FOXN3: variants seen among roughly 807,000 people sequenced by gnomAD.
The protein encoded by FOXN3 is forkhead box protein N3.
FOXN3 carries 7 observed loss-of-function variants against 38.4 expected under a neutral mutation model. That is an observed-to-expected ratio of 0.18 (90% CI 0.10 to 0.34). The LOEUF is 0.34. Ranked by LOEUF, FOXN3 falls within the 10% of genes least tolerant of loss-of-function variation. FOXN3 has a pLI of 1.00. For missense variants in FOXN3, 456 were observed against 613.4 expected (o/e 0.74, Z 2.71); for synonymous variants, 230 against 242.2 (o/e 0.95, Z 0.47).
intron 1 of FOXN3, among the ~76,000 whole-genome samples, chr14:89,490,983 T>C (rs780172611): frequency 1.3e-5 from 2 of 150,466 alleles, no homozygotes; most frequent in African/African-American, 2.5e-5. Context: ...ATCATTTTTG[T>C]TTTTTTTTGA....
intron 1 of FOXN3, among the ~76,000 whole-genome samples, chr14:89,415,350 ACG>A (rs1039957524): frequency 8.5e-5 from 13 of 152,286 alleles, no homozygotes; most frequent in African/African-American, 3.1e-4. Flanking sequence ...AGGAACTAAC[ACG>A]CTATTCTCCA....
rs563650235 is a variant in FOXN3, at chr14:89,239,376, G to A, written c.745+41574C>T. 4.6e-5 allele frequency among the ~76,000 whole-genome samples: 7 copies of A among 152,288 alleles called. No homozygotes were observed. The East Asian group carries it at 1.2e-3, about 25-fold the overall frequency. ...TTTCTGTCCCTCAGATTTCTTGGAGGGGGGAGGAGCGGTTTTTACATCTTT... is the reference window on the plus strand; with the variant it reads ...TTTCTGTCCCTCAGATTTCTTGGAGAGGGGAGGAGCGGTTTTTACATCTTT... On this transcript the variant is annotated intron_variant, in intron 4 of 5. Coordinates refer to ENST00000557258, the MANE Select transcript of FOXN3 (RefSeq NM_005197.4).
At chr14:89,402,795 A>G (rs549487030) in intron 2 of FOXN3, among the ~76,000 whole-genome samples, 13 of 152,216 alleles carry the variant, frequency 8.5e-5, no homozygotes, top group Non-Finnish European at 1.3e-4. Context: ...GTCTCTGTCT[A>G]GCTCCTCAAG....
rs570718526 is a variant in FOXN3, at chr14:89,600,618, T to C, written c.-15+18410A>G. Among the ~76,000 whole-genome samples the C allele has an allele frequency of 2.6e-5, 4 of 152,352 alleles. No individual in the cohort carries two copies. In the East Asian group the frequency reaches 5.8e-4, roughly 22 times the overall value. On this transcript the variant is annotated intron_variant, in intron 1 of 6. Transcript: ENST00000345097. ...ATGGAGGTCTGGTCTCTTCCCTTTA[T>C]GGTGACTGAATTATTTGGTTTTCAG...
intron 4 of FOXN3, among the ~76,000 whole-genome samples, chr14:89,200,818 C>T (rs1888218604): frequency 2.6e-5 from 4 of 152,294 alleles, no homozygotes; most frequent in Non-Finnish European, 2.9e-5. Context: ...CTAAATTTTC[C>T]TACTGATCAA....
At chr14:89,425,047 GTTTTGTTTTC>G (rs1244127508) in intron 1 of FOXN3, among the ~76,000 whole-genome samples, 5 of 118,588 alleles carry the variant, frequency 4.2e-5, no homozygotes, top group African/African-American at 1.5e-4. Flanking sequence ...GTTGTGTTTT[GTTTTGTTTTC>G]TTTTCTTTTT....
chr14:89,283,629 C>T (rs980204257), intron 3 of FOXN3, among the ~76,000 whole-genome samples: 84 of 152,016 alleles, frequency 5.5e-4, no homozygotes, highest in African/African-American at 1.8e-3. Flanking sequence ...GTGGGAGTGG[C>T]GGGTGAAGGG....
At chr14:89,468,472 C>T (rs549029993) in intron 1 of FOXN3, among the ~76,000 whole-genome samples, 93 of 152,026 alleles carry the variant, frequency 6.1e-4, no homozygotes, top group African/African-American at 2.0e-3. Context: ...CACACACACA[C>T]ACATACACAC....
At chr14:89,433,924 T>TTC (rs1491069077) in intron 1 of FOXN3, among the ~76,000 whole-genome samples, 1 of 2,952 alleles carries the variant, frequency 3.4e-4, no homozygotes, top group African/African-American at 1.0e-3. Flanking sequence ...TTATCAGAAT[T>TTC]TTTTTTTTTT....
chr14:89,467,439 T>A (rs1566666136), intron 1 of FOXN3, among the ~76,000 whole-genome samples: 1 of 152,048 alleles, frequency 6.6e-6, no homozygotes, highest in Non-Finnish European at 1.5e-5. Flanking sequence ...CAATTACTGA[T>A]GACATATTTT....
intron 1 of FOXN3, among the ~76,000 whole-genome samples, chr14:89,565,974 C>G (rs957261284): frequency 6.6e-6 from 1 of 152,210 alleles, no homozygotes; most frequent in Non-Finnish European, 1.5e-5. Flanking sequence ...ATAAAACCTG[C>G]TGTGTAGCGA....
chr14:89,585,893 T>C (rs1228153560), intron 1 of FOXN3, among the ~76,000 whole-genome samples: 5 of 151,850 alleles, frequency 3.3e-5, no homozygotes, highest in Non-Finnish European at 7.4e-5. Context: ...TGAAGGAGAT[T>C]AGGGATGCTA....
intron 3 of FOXN3, among the ~76,000 whole-genome samples, chr14:89,326,158 A>G (rs1234829289): frequency 1.3e-5 from 2 of 152,210 alleles, no homozygotes; most frequent in Admixed American, 6.5e-5. Context: ...CTAAGTAAAG[A>G]ACAAACCTAC....
chr14:89,234,018 G>A (rs1215224980), intron 4 of FOXN3, among the ~76,000 whole-genome samples: 4 of 133,254 alleles, frequency 3.0e-5, no homozygotes, highest in South Asian at 2.3e-4. Context: ...TCCCAGAGAC[G>A]TCAACCTACA....
chr14:89,267,881 G>A (rs566505541), intron 4 of FOXN3, among the ~76,000 whole-genome samples: 4 of 152,244 alleles, frequency 2.6e-5, no homozygotes, highest in South Asian at 2.1e-4. Context: ...ACTATAAATG[G>A]CATTGGTTGG....
At chr14:89,615,116 A>ATTTTT (rs374606775) in intron 1 of FOXN3, among the ~76,000 whole-genome samples, 1,523 of 106,748 alleles carry the variant, frequency 0.014, 86 homozygotes, top group African/African-American at 0.043. Context: ...CCCAATTTCG[A>ATTTTT]TTTTTTTTTT....
chr14:89,188,208 T>G (rs1887858269), intron 4 of FOXN3, among the ~76,000 whole-genome samples: 1 of 152,204 alleles, frequency 6.6e-6, no homozygotes, highest in African/African-American at 2.4e-5. Context: ...ATTCAGCATT[T>G]CAATGTAAAT....
intron 4 of FOXN3, among the ~76,000 whole-genome samples, chr14:89,204,103 A>AACT (rs1476512095): frequency 1.5e-5 from 2 of 136,698 alleles, no homozygotes; most frequent in South Asian, 2.3e-4. Context: ...ACACACACAC[A>AACT]ACTACTACTA....
chr14:89,594,265 A>C (rs1411223372), intron 1 of FOXN3, among the ~76,000 whole-genome samples: 2 of 152,216 alleles, frequency 1.3e-5, no homozygotes, highest in African/African-American at 4.8e-5. Flanking sequence ...GCATATGTTC[A>C]TCTTTTATTA....
Sources: gnomAD v4.1 joint callset for allele counts (sites outside exome capture counted in the v4.1 genomes callset) on GRCh38, gnomAD v4.1.1 for gene constraint, MANE v1.5 for transcripts, NCBI Gene and HGNC (gene_info 2026-07-23, HGNC 2026-07-21) for gene names.